Variants in WWOX observed in about 807,000 individuals in gnomAD.
WWOX encodes WW domain-containing oxidoreductase.
WWOX carries 69 observed loss-of-function variants against 46.2 expected under a neutral mutation model. The observed-to-expected ratio is 1.49, with a 90% CI of 1.23 to 1.82. The LOEUF (loss-of-function observed/expected upper bound fraction) is 1.82, where lower values mean the gene tolerates loss of function less well. WWOX is among the 40% of genes most tolerant of loss of function. The pLI, the probability that WWOX is intolerant of heterozygous loss-of-function variation, is 0.00. For missense variants in WWOX, 919 were observed against 542.6 expected (o/e 1.69, Z -6.89); for synonymous variants, 359 against 202.6 (o/e 1.77, Z -6.56).
At chr16:78,737,053 C>T (rs137900786) in intron 8 of WWOX, among the ~76,000 whole-genome samples, 1 of 151,874 alleles carries the variant, frequency 6.6e-6, no homozygotes, top group South Asian at 2.1e-4. Flanking sequence ...GGTTATATGT[C>T]TATTTTTTTG....
Position 78,309,682 on chromosome 16 carries a change from T to C in WWOX, c.517-77178T>C, listed in dbSNP as rs62035723. ...TGTTTGGGTCGGGAATAAACTTCTTTAAATATTTTAGAGTTTCACTCTTTC... is the reference window on the plus strand; with the variant it reads ...TGTTTGGGTCGGGAATAAACTTCTTCAAATATTTTAGAGTTTCACTCTTTC... On this transcript the variant is annotated intron_variant, in intron 5 of 8. Transcript: ENST00000566780. 6.7e-3 allele frequency among the ~76,000 whole-genome samples: 1,022 copies of C among 152,346 alleles called. 5 individuals carry two copies. The highest frequency in any genetic ancestry group is 0.033 in the South Asian group (157 of 4,824).
At chr16:79,025,935 A>G (rs2047631696) in intron 8 of WWOX, among the ~76,000 whole-genome samples, 1 of 151,164 alleles carries the variant, frequency 6.6e-6, no homozygotes, top group African/African-American at 2.4e-5. Flanking sequence ...AGTAGCTGGG[A>G]TAATAGGTGC....
intron 8 of WWOX, among the ~76,000 whole-genome samples, chr16:78,995,371 C>T (rs1243220529): frequency 1.3e-5 from 2 of 152,032 alleles, no homozygotes; most frequent in South Asian, 2.1e-4. Context: ...CTGTGGACTG[C>T]GTTCTTTGGG....
intron 8 of WWOX, among the ~76,000 whole-genome samples, chr16:79,085,000 A>T (rs1197235944): frequency 6.6e-6 from 1 of 150,500 alleles, no homozygotes; most frequent in Non-Finnish European, 1.5e-5. Flanking sequence ...ATTATAGCTC[A>T]CCACAGCCTT....
intron 8 of WWOX, among the ~76,000 whole-genome samples, chr16:78,906,806 G>A (rs1225633673): frequency 6.6e-6 from 1 of 152,212 alleles, no homozygotes; most frequent in East Asian, 1.9e-4. Context: ...CACCCACAGT[G>A]TTTTATTCAT....
intron 8 of WWOX, among the ~76,000 whole-genome samples, chr16:78,853,206 T>G (rs1219299785): frequency 6.6e-6 from 1 of 152,162 alleles, no homozygotes; most frequent in Non-Finnish European, 1.5e-5. Context: ...ATAGCAGGTA[T>G]AATTATTATT....
chr16:78,389,902 A>G (rs1039990675), intron 6 of WWOX, among the ~76,000 whole-genome samples: 2 of 152,140 alleles, frequency 1.3e-5, no homozygotes, highest in Admixed American at 1.3e-4. Context: ...GGTGCAGGTT[A>G]CCACACACAG....
chr16:78,351,814 G>A (rs1008771779), intron 5 of WWOX, among the ~76,000 whole-genome samples: 1 of 152,058 alleles, frequency 6.6e-6, no homozygotes, highest in Non-Finnish European at 1.5e-5. Flanking sequence ...GTATCACCAG[G>A]CCCAGCTAAT....
intron 8 of WWOX, among the ~76,000 whole-genome samples, chr16:78,645,206 C>G (rs1160088010): frequency 2.0e-5 from 3 of 152,074 alleles, no homozygotes; most frequent in Non-Finnish European, 4.4e-5. Context: ...CCTGCGTGGT[C>G]TTGTTCTACC....
intron 5 of WWOX, 124 bp downstream of exon 5, chr16:78,164,413 T>A: frequency 2.3e-6 from 2 of 857,164 alleles, no homozygotes; most frequent in Admixed American, 2.1e-5. Flanking sequence ...ATTTTTAAAG[T>A]CATCTTCACT....
intron 5 of WWOX, among the ~76,000 whole-genome samples, chr16:78,223,802 A>G (rs1449202288): frequency 2.0e-5 from 3 of 152,164 alleles, no homozygotes; most frequent in Non-Finnish European, 4.4e-5. Flanking sequence ...GTAATGGCGG[A>G]GTTTCCAAAA....
chr16:78,558,795 C>G (rs572242858), intron 8 of WWOX, among the ~76,000 whole-genome samples: 1 of 152,324 alleles, frequency 6.6e-6, no homozygotes, highest in African/African-American at 2.4e-5. Flanking sequence ...TAGAGTATGC[C>G]TTTTCCTTCA....
chr16:78,102,976 G>T (rs1187168560), intron 1 of WWOX, among the ~76,000 whole-genome samples: 3 of 152,170 alleles, frequency 2.0e-5, no homozygotes, highest in Non-Finnish European at 4.4e-5. Flanking sequence ...GCTCTGTGGG[G>T]CGTCTCCTCC....
Position 78,990,757 on chromosome 16 carries a change from C to A in WWOX, c.1057-220851C>A, listed in dbSNP as rs185145129. On this transcript the variant is annotated intron_variant, in intron 8 of 8. Transcript: ENST00000566780. ...GAGACAGGGAAGGAAGGAAGTCTGG[C>A]AAGAGGGCACAGTCAGACCTGCCAG... Among the ~76,000 whole-genome samples, 6 of 152,284 alleles carry A rather than the reference C, an allele frequency of 3.9e-5. No individual in the cohort carries two copies. The East Asian group carries it at 1.2e-3, about 29-fold the overall frequency.
At chr16:78,808,463 C>G (rs2051100907) in intron 8 of WWOX, among the ~76,000 whole-genome samples, 1 of 152,090 alleles carries the variant, frequency 6.6e-6, no homozygotes, top group Non-Finnish European at 1.5e-5. Flanking sequence ...TTATTGAATC[C>G]ATACTAACCT....
intron 6 of WWOX, among the ~76,000 whole-genome samples, chr16:78,394,526 T>C (rs2082244835): frequency 6.6e-6 from 1 of 152,196 alleles, no homozygotes; most frequent in African/African-American, 2.4e-5. Context: ...TTCAGTCTTT[T>C]TATATAATAC....
chr16:78,181,483 T>G (rs2035530914), intron 5 of WWOX, among the ~76,000 whole-genome samples: 1 of 152,236 alleles, frequency 6.6e-6, no homozygotes, highest in Non-Finnish European at 1.5e-5. Flanking sequence ...GAGGAATGAT[T>G]GTTCCAATTC....
At chr16:78,396,037 C>G (rs536000907) in intron 6 of WWOX, among the ~76,000 whole-genome samples, 14 of 152,308 alleles carry the variant, frequency 9.2e-5, no homozygotes, top group African/African-American at 3.4e-4. Context: ...ACTCTACCTG[C>G]TTTCTTTCTC....
intron 5 of WWOX, among the ~76,000 whole-genome samples, chr16:78,195,764 G>C (rs890672299): frequency 6.1e-5 from 9 of 146,772 alleles, no homozygotes; most frequent in African/African-American, 2.3e-4. Context: ...AGAGGTTGGC[G>C]TGAGCTGAGA....
Sources: allele counts gnomAD v4.1 joint callset (sites outside exome capture counted in the v4.1 genomes callset), GRCh38; gene constraint gnomAD v4.1.1; transcripts MANE v1.5; gene names NCBI Gene and HGNC (gene_info 2026-07-23, HGNC 2026-07-21).